MATR3: variants seen among roughly 807,000 people sequenced by gnomAD.
The protein encoded by MATR3 is matrin-3.
In MATR3, 4 loss-of-function variants were observed where a neutral mutation model predicts 85.5. The ratio of observed to expected loss-of-function variants is 0.05; its 90% CI spans 0.02 to 0.11. The LOEUF is 0.11. Among genes scored for constraint, MATR3 ranks in the 10% least tolerant of loss-of-function variants. The pLI is 1.00. For missense variants in MATR3, 685 were observed against 1,016.1 expected (o/e 0.67, Z 4.43); for synonymous variants, 336 against 343.1 (o/e 0.98, Z 0.23).
intron 14 of MATR3, among the ~76,000 whole-genome samples, chr5:139,327,504 C>A (rs1755918382): frequency 6.6e-6 from 1 of 152,174 alleles, no homozygotes; most frequent in Admixed American, 6.5e-5. Flanking sequence ...TCACCCCAAC[C>A]CCCGCCTCCC....
chr5:139,289,813 T>G (rs1253104343), upstream of MATR3, among the ~76,000 whole-genome samples: 2 of 152,232 alleles, frequency 1.3e-5, no homozygotes, highest in Non-Finnish European at 2.9e-5. Context: ...CAAAATTTTC[T>G]GCATTGAGTA....
rs995585399 is a variant in MATR3 at position 139,317,813 on chromosome 5, C to G, written c.1308+92C>G. 6 of 1,283,724 alleles carry G rather than the reference C, an allele frequency of 4.7e-6. No homozygotes were observed. In the African/African-American group the frequency reaches 7.5e-5, roughly 16 times the overall value. 79.5% of individuals were successfully genotyped at this position (1,283,724 alleles called of 1,614,324 possible). A position where few individuals can be genotyped will look rare whatever the true frequency, so the allele number is the denominator to read the frequency against. ...ATGATTTTGTATTAGAAAAATAAAA[C>G]TCAAGGTAATCTTAAGTTTATCAAA... On this transcript the variant is annotated intron_variant, in intron 7 of 14. Transcript: ENST00000394805.
chr5:139,314,749 A>G lies in MATR3; in HGVS notation c.974+13A>G. ...TTCTTCTTGAAATGTAGGAGTTTGA[A>G]ATACCTTTAAAACATCCTTATCGTG... On this transcript the variant is annotated intron_variant, in intron 3 of 14. Transcript: ENST00000394805. 6.2e-7 allele frequency: 1 copy of G among 1,610,418 alleles called. No individual in the cohort carries two copies.
intron 7 of MATR3, 107 bp downstream of exon 7, chr5:139,317,828 A>C: frequency 1.8e-6 from 2 of 1,131,234 alleles, no homozygotes; most frequent in Non-Finnish European, 2.5e-6. Context: ...GGTAATCTTA[A>C]GTTTATCAAA....
chr5:139,314,894 C>A, intron 3 of MATR3, 158 bp downstream of exon 3: 1 of 655,434 alleles, frequency 1.5e-6, no homozygotes. Context: ...ATGTTTAGAT[C>A]TGGAAATTTC....
intron 10 of MATR3, 137 bp downstream of exon 10, chr5:139,322,166 A>C (rs1436314930): frequency 6.3e-6 from 7 of 1,117,090 alleles, no homozygotes; most frequent in Non-Finnish European, 9.2e-6. Context: ...GAAAGAGAAC[A>C]ACCTTTTTTT....
chr5:139,326,306 T>G, intron 14 of MATR3, 22 bp downstream of exon 14: 1 of 1,611,142 alleles, frequency 6.2e-7, no homozygotes, highest in Non-Finnish European at 8.5e-7. Context: ...TGTAAAACAG[T>G]TCTTTTGTGA....
chr5:139,288,728 C>T (rs889805723), intron 3 of MATR3, among the ~76,000 whole-genome samples: 24 of 152,126 alleles, frequency 1.6e-4, no homozygotes, highest in African/African-American at 5.8e-4. Flanking sequence ...GCAAGCTCCG[C>T]CTCCTGGGTT....
At chr5:139,318,164 C>T (rs531484072) in intron 7 of MATR3, among the ~76,000 whole-genome samples, 9 of 152,156 alleles carry the variant, frequency 5.9e-5, no homozygotes, top group Non-Finnish European at 1.0e-4. Context: ...GTCGGAGTCT[C>T]GCTCTGTCAC....
chr5:139,326,263 T>C lies in MATR3; in HGVS notation c.2472T>C (p.Leu824=). 1 of 1,613,698 alleles carries C rather than the reference T, an allele frequency of 6.2e-7. No individual in the cohort carries two copies. The highest frequency in any genetic ancestry group is 8.5e-7 in the Non-Finnish European group (1 of 1,179,790). The change falls in exon 14 of 15, where the codon CTT becomes CTC. Residue 824 remains leucine (L), a synonymous_variant. Coordinates refer to ENST00000394805, the MANE Select transcript of MATR3 (RefSeq NM_018834.6). ...CAAAGAATACTCATTGCAGCAGCCT[T>C]CCTCATTATCAGAAATTAAAGGTAA... ...EVAKNTHCSS[L]PHYQKLKKFL...
intron 9 of MATR3, among the ~76,000 whole-genome samples, chr5:139,319,860 CTT>C (rs58123057): frequency 0.11 from 5,012 of 44,052 alleles, 344 homozygotes; most frequent in African/African-American, 0.22. Context: ...AAAAAATTTG[CTT>C]TTTTTTTTTT....
intron 13 of MATR3, 42 bp downstream of exon 13, chr5:139,325,704 C>G: frequency 6.6e-7 from 1 of 1,515,962 alleles, no homozygotes; most frequent in Non-Finnish European, 9.2e-7. Flanking sequence ...TCACTCTCCT[C>G]AAAACAAACT....
chr5:139,293,506 T>G (rs1358112826), upstream of MATR3: 1 of 155,168 alleles, frequency 6.4e-6, no homozygotes, highest in African/African-American at 2.4e-5. Flanking sequence ...AAGCCACGTC[T>G]GTTCCTCCAT....
At chr5:139,302,520 C>G (rs950952297) in intron 1 of MATR3, among the ~76,000 whole-genome samples, 2 of 152,034 alleles carry the variant, frequency 1.3e-5, no homozygotes, top group African/African-American at 4.8e-5. Flanking sequence ...CTTTATAAAA[C>G]CATTATAAAA....
intron 14 of MATR3, among the ~76,000 whole-genome samples, chr5:139,327,039 C>T (rs1755886857): frequency 1.3e-5 from 2 of 152,124 alleles, no homozygotes; most frequent in Non-Finnish European, 2.9e-5. Flanking sequence ...TAAACCACAA[C>T]ATCACTAAAG....
At chr5:139,313,170 TC>T (rs1755079589) in intron 2 of MATR3, 1 of 151,942 alleles carries the variant, frequency 6.6e-6, no homozygotes, top group South Asian at 2.1e-4. Context: ...TAAAAACACA[TC>T]GCCTGACCAT....
chr5:139,291,655 C>T (rs1298821346), upstream of MATR3, among the ~76,000 whole-genome samples: 1 of 152,202 alleles, frequency 6.6e-6, no homozygotes, highest in Admixed American at 6.5e-5. Context: ...TCTCCTGCCT[C>T]AGCCTCTCGA....
At chr5:139,278,829 T>TA (rs1210706470) in intron 2 of MATR3, 1 of 517,272 alleles carries the variant, frequency 1.9e-6, no homozygotes, top group East Asian at 5.4e-5. Context: ...GTGATGGTGT[T>TA]ACACTGTTGG....
At chr5:139,315,236 A>G (rs529165759) in intron 3 of MATR3, 1 of 212,488 alleles carries the variant, frequency 4.7e-6, no homozygotes, top group South Asian at 7.1e-5. Flanking sequence ...CTCCCTGCTT[A>G]AGCAGCACAC....
Sources: gnomAD v4.1 joint callset for allele counts (sites outside exome capture counted in the v4.1 genomes callset) on GRCh38, gnomAD v4.1.1 for gene constraint, MANE v1.5 for transcripts, NCBI Gene and HGNC (gene_info 2026-07-23, HGNC 2026-07-21) for gene names.